Variants in PRKCG observed in about 807,000 individuals in gnomAD.
The protein encoded by PRKCG is protein kinase C gamma.
A neutral mutation model predicts 82.0 loss-of-function variants in PRKCG; 28 were observed. That is an observed-to-expected ratio of 0.34 (90% CI 0.25 to 0.47). The LOEUF (loss-of-function observed/expected upper bound fraction) is 0.47, where lower values mean the gene tolerates loss of function less well. PRKCG is among the 20% of genes least tolerant of loss of function. The probability of loss-of-function intolerance (pLI) is 1.00; values close to 1 mark genes in which losing one functional copy is unlikely to be tolerated. For synonymous variants in PRKCG, 383 were observed against 376.6 expected, an observed-to-expected ratio of 1.02 and a Z score of -0.20; for missense variants, 640 against 952.7, an observed-to-expected ratio of 0.67 and a Z score of 4.32.
rs146261598 is a variant in PRKCG, at chr19:53,895,304, G to A, written c.939+1913G>A. On this transcript the variant is annotated intron_variant, in intron 9 of 17. Transcript: ENST00000263431. Reference sequence around the variant, plus strand: ...GGAGTTTGAGACCAGCCTGGCCAGCGTGGCAAAACCCCATCTCTACTAAAA... The same window carrying A: ...GGAGTTTGAGACCAGCCTGGCCAGCATGGCAAAACCCCATCTCTACTAAAA... Among the ~76,000 whole-genome samples the A allele has an allele frequency of 5.8e-3, 879 of 151,682 alleles. 14 individuals carry two copies. The highest frequency in any genetic ancestry group is 0.02 in the African/African-American group (817 of 41,362).
At position 53,892,629 on chromosome 19, in the gene PRKCG, G is replaced by T. The variant is rs367543211; in HGVS notation, c.807G>T (p.Ala269=). ...TTGGCGTCTCGGAGCTGCTCAAGGC[G>T]CCCGTGGATGGCTGGTGAGGAGCAG... ...MSFGVSELLK[A]PVDGWYKLLN... The change falls in exon 7 of 18, where the codon GCG becomes GCT. Residue 269 remains alanine (A), a synonymous_variant. Coordinates refer to ENST00000263431, the MANE Select transcript of PRKCG (RefSeq NM_002739.5). This position sits in a 1 kb window ranked among gnomAD's most constrained non-coding sequence, Gnocchi z 5.9. 6 of 1,611,770 alleles carry T rather than the reference G, an allele frequency of 3.7e-6. No homozygotes were observed. The highest frequency in any genetic ancestry group is 4.5e-5 in the East Asian group (2 of 44,860).
chr19:53,881,983 A>G, upstream of PRKCG: 1 of 220,750 alleles, frequency 4.5e-6, no homozygotes, highest in Non-Finnish European at 9.2e-6. Flanking sequence ...GTGGGGGAGG[A>G]ACGCGGGGCA....
rs564442467 is a variant in PRKCG at position 53,884,073 on chromosome 19, GCT to G, written c.203-81_203-80del. ...CTGGTTTTCTCAGTGTCCGAGTTCC[GCT>G]CTCTCTTTCCAATTTTCTGTCTGCT... On this transcript the variant is annotated intron_variant, in intron 2 of 17. Transcript: ENST00000263431. This position sits in a 1 kb window ranked among gnomAD's most constrained non-coding sequence, Gnocchi z 4.6. The G allele has an allele frequency of 2.2e-5, 28 of 1,299,302 alleles. No individual in the cohort carries two copies. Among genetic ancestry groups the G allele is most frequent in the South Asian group, 1.9e-4 (16 of 84,290 alleles). 80.5% of individuals were successfully genotyped at this position (1,299,302 alleles called of 1,614,324 possible).
intron 9 of PRKCG, among the ~76,000 whole-genome samples, chr19:53,896,716 A>G (rs2068720953): frequency 2.0e-5 from 3 of 152,184 alleles, no homozygotes; most frequent in Admixed American, 1.3e-4. Flanking sequence ...CACCGCACCC[A>G]GCCCTCAACA....
In PRKCG at chr19:53,893,091, C is replaced by A. The variant is rs772190032; in HGVS notation, c.909+16C>A. 2 of 1,610,232 alleles carry A rather than the reference C, an allele frequency of 1.2e-6. No individual in the cohort carries two copies. Among genetic ancestry groups the A allele is most frequent in the Admixed American group, 1.7e-5 (1 of 59,772 alleles). ...GAAGTTTGAGGTACCCAGACCCTGG[C>A]TTCCTCAAGGGAGCCCAGCCCAGCC... On this transcript the variant is annotated intron_variant, in intron 8 of 17. Transcript: ENST00000263431.
In PRKCG at chr19:53,889,987, G is replaced by T; in HGVS notation, c.499G>T (p.Ala167Ser). 1 of 1,570,356 alleles carries T rather than the reference G, an allele frequency of 6.4e-7. No homozygotes were observed. Among genetic ancestry groups the T allele is most frequent in the Non-Finnish European group, 8.6e-7 (1 of 1,159,896 alleles). ...CGGGCGCCTGCAGCTGGAGATCCGG[G>T]CTCCCACAGCAGATGAGATCCACGT... ...RRGRLQLEIR[A>S]PTADEIHVTV... is the part of the protein sequence containing the mutation. The change falls in exon 5 of 18, where the codon GCT (alanine) becomes TCT (serine). Residue 167 changes from alanine to serine, a missense_variant. Physicochemically the swap from Ala to Ser is moderately conservative, Grantham distance 99. Transcript: ENST00000263431. The surrounding 1 kb of genome is among the most constrained non-coding windows in gnomAD (Gnocchi z 4.4).
chr19:53,906,250 T>C lies in PRKCG; in HGVS notation c.1765-67T>C, dbSNP rs2068809514. On this transcript the variant is annotated intron_variant, in intron 16 of 17. Transcript: ENST00000263431. ...TCCATCTGCCTGTCTCTGTCCCTCTTTCTCTGGGTCTACCTGTCCGGCACT... is the reference window on the plus strand; with the variant it reads ...TCCATCTGCCTGTCTCTGTCCCTCTCTCTCTGGGTCTACCTGTCCGGCACT... 3 of 1,544,784 alleles carry C rather than the reference T, an allele frequency of 1.9e-6. No individual in the cohort carries two copies. The African/African-American group carries it at 4.1e-5, about 21-fold the overall frequency.
At position 53,884,097 on chromosome 19, in the gene PRKCG, T is replaced by A. The variant is rs1289502007; in HGVS notation, c.203-64T>A. 18 of 1,519,662 alleles carry A rather than the reference T, an allele frequency of 1.2e-5. No individual in the cohort carries two copies. Among genetic ancestry groups the A allele is most frequent in the Non-Finnish European group, 1.6e-5 (17 of 1,095,778 alleles). The allele number at this position is 1,519,662 out of a possible 1,614,324, so 94.1% of individuals were successfully genotyped here. A position where few individuals can be genotyped will look rare whatever the true frequency, so the allele number is the denominator to read the frequency against. Reference sequence around the variant, plus strand: ...CGCTCTCTCTTTCCAATTTTCTGTCTGCTGGGGTCTCCCGCTGGACTAATC... The same window carrying A: ...CGCTCTCTCTTTCCAATTTTCTGTCAGCTGGGGTCTCCCGCTGGACTAATC... On this transcript the variant is annotated intron_variant, in intron 2 of 17. Coordinates refer to ENST00000263431, the MANE Select transcript of PRKCG (RefSeq NM_002739.5). This position sits in a 1 kb window ranked among gnomAD's most constrained non-coding sequence, Gnocchi z 4.6.
chr19:53,898,053 G>T lies in PRKCG; in HGVS notation c.1034G>T (p.Arg345Leu), dbSNP rs566297370. Reference sequence around the variant, plus strand: ...TGCTTCTTCGGGGCGAGTCCAGGACGCCTGCACATCTCCGACTTCAGCTTC... The same window carrying T: ...TGCTTCTTCGGGGCGAGTCCAGGACTCCTGCACATCTCCGACTTCAGCTTC... ...KRCFFGASPG[R>L]LHISDFSFLM... The change falls in exon 10 of 18, where the codon CGC (arginine) becomes CTC (leucine). Residue 345 changes from arginine (R) to leucine (L), a missense_variant. By Grantham distance (102) the Arg-to-Leu change is moderately radical. Coordinates refer to ENST00000263431, the MANE Select transcript of PRKCG (RefSeq NM_002739.5). The T allele has an allele frequency of 6.2e-7, 1 of 1,614,092 alleles. No individual in the cohort carries two copies.
chr19:53,891,866 A>G, intron 6 of PRKCG, 36 bp downstream of exon 6: 2 of 1,613,286 alleles, frequency 1.2e-6, no homozygotes, highest in Non-Finnish European at 8.5e-7. Flanking sequence ...ATGACAGCTG[A>G]CAGAGAATGA....
At chr19:53,891,200 G>A (rs1374380689) in intron 5 of PRKCG, among the ~76,000 whole-genome samples, 4 of 152,088 alleles carry the variant, frequency 2.6e-5, no homozygotes, top group Admixed American at 2.0e-4. Context: ...CACTGGTTGC[G>A]GAAAGGGCTC....
intron 9 of PRKCG, among the ~76,000 whole-genome samples, chr19:53,896,062 A>G (rs1023789189): frequency 1.8e-4 from 26 of 140,840 alleles, no homozygotes; most frequent in Admixed American, 1.5e-3. Flanking sequence ...TCTATCTCAG[A>G]AAAAAAAAAA....
At chr19:53,906,081 C>CTTCTTCTTCTT (rs1568763987) in intron 16 of PRKCG, among the ~76,000 whole-genome samples, 23 of 35,474 alleles carry the variant, frequency 6.5e-4, no homozygotes, top group Middle Eastern at 0.025. Flanking sequence ...TCCTCCTCCT[C>CTTCTTCTTCTT]CTCCTTCTTC....
rs1282251315 is a variant in PRKCG, at chr19:53,887,909, G to GC, written c.286-1724dup. Among the ~76,000 whole-genome samples the GC allele has an allele frequency of 5.3e-5, 8 of 151,898 alleles. No individual in the cohort carries two copies. In the East Asian group the frequency reaches 5.8e-4, roughly 11 times the overall value. On this transcript the variant is annotated intron_variant, in intron 3 of 17. Coordinates refer to ENST00000263431, the MANE Select transcript of PRKCG (RefSeq NM_002739.5). Reference sequence around the variant, plus strand: ...CATTTAGTCCCCAGGGAGGGCACATGCCCCCACTTTTCAAGCGGTAAATCT... The same window carrying GC: ...CATTTAGTCCCCAGGGAGGGCACATGCCCCCCACTTTTCAAGCGGTAAATCT...
In PRKCG at chr19:53,903,415, C is replaced by G. The variant is rs2068779386; in HGVS notation, c.1656+262C>G. Among the ~76,000 whole-genome samples the G allele has an allele frequency of 2.6e-5, 4 of 152,292 alleles. No individual in the cohort carries two copies. The South Asian group carries it at 8.3e-4, about 32-fold the overall frequency. On this transcript the variant is annotated intron_variant, in intron 15 of 17. Coordinates refer to ENST00000263431, the MANE Select transcript of PRKCG (RefSeq NM_002739.5). ...GATCCCTTCTCAGAAGAATGTTTTT[C>G]AATGCACAAAATAGAATAATACATA...
intron 11 of PRKCG, among the ~76,000 whole-genome samples, chr19:53,899,589 T>TG: frequency 6.7e-6 from 1 of 149,756 alleles, no homozygotes; most frequent in South Asian, 2.1e-4. Context: ...CAACTTTGAT[T>TG]CCTTTTTTTT....
chr19:53,882,685 G>A lies in PRKCG; in HGVS notation c.170+21G>A, dbSNP rs937935635. On this transcript the variant is annotated intron_variant, in intron 1 of 17. Coordinates refer to ENST00000263431, the MANE Select transcript of PRKCG (RefSeq NM_002739.5). This position sits in a 1 kb window ranked among gnomAD's most constrained non-coding sequence, Gnocchi z 6.1. ...ATCTGGTGAGGGAAGGGGGCTGGGG[G>A]ACTGGGGGACGAGGGGACTAGGGGT... 1 of 1,582,874 alleles carries A rather than the reference G, an allele frequency of 6.3e-7. No individual in the cohort carries two copies. Among genetic ancestry groups the A allele is most frequent in the Non-Finnish European group, 8.6e-7 (1 of 1,156,730 alleles).
chr19:53,903,227 G>A, intron 15 of PRKCG, 74 bp downstream of exon 15: 5 of 1,194,196 alleles, frequency 4.2e-6, no homozygotes, highest in Non-Finnish European at 1.3e-6. Flanking sequence ...GGAGGAGCCA[G>A]TTAGAAAGGA....
At position 53,903,069 on chromosome 19, in the gene PRKCG, C is replaced by G. The variant is rs775854710; in HGVS notation, c.1576-4C>G. On this transcript the variant is annotated splice_region_variant and splice_polypyrimidine_tract_variant and intron_variant, in intron 14 of 17. Transcript: ENST00000263431. ...CATGATTCCCTGCCTTCCACCTCCCCTAGATCATTGCCTACCAGCCCTATG... is the reference window on the plus strand; with the variant it reads ...CATGATTCCCTGCCTTCCACCTCCCGTAGATCATTGCCTACCAGCCCTATG... The G allele has an allele frequency of 1.2e-6, 2 of 1,612,164 alleles. No homozygotes were observed. The highest frequency in any genetic ancestry group is 2.2e-5 in the East Asian group (1 of 44,864).
Sources: allele counts gnomAD v4.1 joint callset (sites outside exome capture counted in the v4.1 genomes callset), GRCh38; gene constraint gnomAD v4.1.1; non-coding constraint Gnocchi (gnomAD v3.1); transcripts MANE v1.5; gene names NCBI Gene and HGNC (gene_info 2026-07-23, HGNC 2026-07-21).